The following FGF12 variants were observed in gnomAD, a reference collection of about 807,000 sequenced individuals.
The protein encoded by FGF12 is fibroblast growth factor 12B.
FGF12 carries 14 observed loss-of-function variants against 23.6 expected under a neutral mutation model. The ratio of observed to expected loss-of-function variants is 0.59; its 90% confidence interval spans 0.39 to 0.93. The LOEUF is 0.93. Among genes scored for constraint, FGF12 ranks in the 40% least tolerant of loss-of-function variants. FGF12 has a pLI of 0.00. For missense variants in FGF12, 175 were observed against 217.8 expected (o/e 0.80, Z 1.24); for synonymous variants, 62 against 77.3 (o/e 0.80, Z 1.04).
chr3:192,683,767 A>G (rs1281867083), intron 2 of FGF12, among the ~76,000 whole-genome samples: 1 of 152,196 alleles, frequency 6.6e-6, no homozygotes. Context: ...GGTCATCCAG[A>G]AAATTCATTT....
At chr3:192,144,926 G>A (rs1462637931) in intron 5 of FGF12, among the ~76,000 whole-genome samples, 1 of 152,192 alleles carries the variant, frequency 6.6e-6, no homozygotes, top group Admixed American at 6.5e-5. Context: ...ATAGACAAAT[G>A]TGACTAGATA....
chr3:192,722,764 T>C (rs1719079256), intron 2 of FGF12, among the ~76,000 whole-genome samples: 1 of 152,132 alleles, frequency 6.6e-6, no homozygotes, highest in South Asian at 2.1e-4. Context: ...ACTTAGGTGG[T>C]TGCTGGAATG....
At chr3:192,594,427 A>T (rs1713754515) in intron 2 of FGF12, among the ~76,000 whole-genome samples, 1 of 151,870 alleles carries the variant, frequency 6.6e-6, no homozygotes, top group Admixed American at 6.6e-5. Context: ...AAAATCACCC[A>T]GGCCTTGGAA....
chr3:192,457,460 GA>G (rs1193071751), intron 2 of FGF12, among the ~76,000 whole-genome samples: 6 of 152,318 alleles, frequency 3.9e-5, no homozygotes, highest in African/African-American at 1.4e-4. Flanking sequence ...GTCTCAGATG[GA>G]GATGAGGAAC....
chr3:192,214,361 T>C (rs1718085802), intron 4 of FGF12, among the ~76,000 whole-genome samples: 1 of 152,242 alleles, frequency 6.6e-6, no homozygotes, highest in African/African-American at 2.4e-5. Flanking sequence ...GTAAGCACAG[T>C]AACATTTCTT....
intron 4 of FGF12, chr3:192,238,328 A>G (rs1036990787): frequency 6.6e-5 from 10 of 152,624 alleles, no homozygotes; most frequent in African/African-American, 2.4e-4. Flanking sequence ...GCAGGCGAGT[A>G]CGCATCAGTA....
Position 192,443,673 on chromosome 3 carries a change from T to C in FGF12, c.14-83135A>G, listed in dbSNP as rs377243397. On this transcript the variant is annotated intron_variant, in intron 2 of 5. Coordinates refer to ENST00000445105, the MANE Select transcript of FGF12 (RefSeq NM_004113.6). ...GTCTCTCAATATACCTTATAAGTTA[T>C]GAAAACAAGCAAAAAAATTTAAAGA... 3.3e-5 allele frequency among the ~76,000 whole-genome samples: 5 copies of C among 152,204 alleles called. No individual in the cohort carries two copies. In the East Asian group the frequency reaches 5.8e-4, roughly 18 times the overall value.
chr3:192,605,136 T>C (rs1714282833), intron 2 of FGF12, among the ~76,000 whole-genome samples: 1 of 152,060 alleles, frequency 6.6e-6, no homozygotes, highest in African/African-American at 2.4e-5. Flanking sequence ...TCCAGCACTT[T>C]GGGAGGTCGA....
intron 4 of FGF12, among the ~76,000 whole-genome samples, chr3:192,328,369 A>G (rs1716925828): frequency 6.6e-6 from 1 of 152,222 alleles, no homozygotes; most frequent in Non-Finnish European, 1.5e-5. Context: ...AATCCTGCCT[A>G]CGTAACAGAC....
At chr3:192,538,563 G>C (rs1725290364) in intron 2 of FGF12, among the ~76,000 whole-genome samples, 1 of 152,140 alleles carries the variant, frequency 6.6e-6, no homozygotes, top group Non-Finnish European at 1.5e-5. Context: ...GATTCCTCTA[G>C]TTTTGTTCTT....
chr3:192,154,789 G>A (rs1445258109), intron 5 of FGF12, among the ~76,000 whole-genome samples: 2 of 147,012 alleles, frequency 1.4e-5, no homozygotes, highest in Non-Finnish European at 3.0e-5. Context: ...CCTGCCCCCA[G>A]AGGTGGAGCC....
At chr3:192,265,482 A>C (rs1234318267) in intron 4 of FGF12, 1 of 152,220 alleles carries the variant, frequency 6.6e-6, no homozygotes, top group Non-Finnish European at 1.5e-5. Flanking sequence ...AAGGGTCAGC[A>C]AAGTATGTCC....
At chr3:192,674,400 G>A (rs1038845193) in intron 2 of FGF12, among the ~76,000 whole-genome samples, 2 of 152,086 alleles carry the variant, frequency 1.3e-5, no homozygotes, top group African/African-American at 4.8e-5. Context: ...AGTAAACTGG[G>A]CTAAAACAAA....
intron 2 of FGF12, among the ~76,000 whole-genome samples, chr3:192,644,682 T>C (rs1435337128): frequency 6.6e-6 from 1 of 152,122 alleles, no homozygotes; most frequent in Non-Finnish European, 1.5e-5. Context: ...GAGTTAAAGG[T>C]CTCACCCAAG....
At chr3:192,640,985 T>C (rs1715776210) in intron 2 of FGF12, among the ~76,000 whole-genome samples, 1 of 152,072 alleles carries the variant, frequency 6.6e-6, no homozygotes, top group South Asian at 2.1e-4. Context: ...GCTAGTTTGT[T>C]TTATTTTTTT....
At chr3:192,273,531 C>T (rs555724872) in intron 4 of FGF12, among the ~76,000 whole-genome samples, 1 of 152,116 alleles carries the variant, frequency 6.6e-6, no homozygotes, top group South Asian at 2.1e-4. Context: ...GATGTAAGCT[C>T]GAGGAGTCAC....
chr3:192,169,068 T>C (rs930966820), intron 5 of FGF12, among the ~76,000 whole-genome samples: 5 of 152,094 alleles, frequency 3.3e-5, no homozygotes, highest in African/African-American at 9.7e-5. Flanking sequence ...AGGCCAGGCA[T>C]GGTGGCTCAC....
chr3:192,415,819 G>A (rs1358088975), intron 2 of FGF12, among the ~76,000 whole-genome samples: 6 of 151,374 alleles, frequency 4.0e-5, no homozygotes. Flanking sequence ...GGCAAACAGA[G>A]AGCCACAGAC....
At chr3:192,651,855 C>T (rs1716224633) in intron 2 of FGF12, among the ~76,000 whole-genome samples, 1 of 152,118 alleles carries the variant, frequency 6.6e-6, no homozygotes, top group Non-Finnish European at 1.5e-5. Context: ...TGCGTGAGGT[C>T]CAGCAACTAA....
Sources: allele counts gnomAD v4.1 joint callset (sites outside exome capture counted in the v4.1 genomes callset), GRCh38; gene constraint gnomAD v4.1.1; transcripts MANE v1.5; gene names NCBI Gene and HGNC (gene_info 2026-07-23, HGNC 2026-07-21).